The following DENND4C variants were observed in gnomAD, a reference collection of about 807,000 sequenced individuals.
DENND4C encodes DENN domain containing 4C.
A neutral mutation model predicts 203.0 loss-of-function variants in DENND4C; 108 were observed. The observed-to-expected ratio is 0.53, with a 90% confidence interval of 0.46 to 0.62. DENND4C has a LOEUF of 0.62. Ranked by LOEUF, DENND4C falls within the 20% of genes least tolerant of loss-of-function variation. The pLI is 0.00. For synonymous variants in DENND4C, 871 were observed against 792.4 expected (o/e 1.10, Z -1.67); for missense variants, 2,481 against 2,301.2 (o/e 1.08, Z -1.60).
In DENND4C at chr9:19,246,816, A is replaced by G. The variant is rs374615161; in HGVS notation, c.-18+15983A>G. 6.6e-5 allele frequency among the ~76,000 whole-genome samples: 10 copies of G among 152,296 alleles called. No individual in the cohort carries two copies. The East Asian group carries it at 1.3e-3, about 21-fold the overall frequency. On this transcript the variant is annotated intron_variant, in intron 1 of 32. Coordinates refer to ENST00000434457, the MANE Select transcript of DENND4C (RefSeq NM_001330640.2). ...GAATCATTTTTCTTAGCATATGAAC[A>G]TGCTATAACTCTTAATTCTCTAACT...
intron 1 of DENND4C, among the ~76,000 whole-genome samples, chr9:19,247,736 G>T (rs1825634222): frequency 6.6e-6 from 1 of 152,146 alleles, no homozygotes; most frequent in Admixed American, 6.6e-5. Context: ...TAGTAGGCAT[G>T]TCAATTTTAA....
At chr9:19,364,201 A>G (rs1399063999) in intron 30 of DENND4C, among the ~76,000 whole-genome samples, 1 of 152,118 alleles carries the variant, frequency 6.6e-6, no homozygotes, top group Non-Finnish European at 1.5e-5. Flanking sequence ...CTGTTAAGAA[A>G]AAAAAAAAGG....
intron 1 of DENND4C, among the ~76,000 whole-genome samples, chr9:19,238,269 A>G (rs1822541885): frequency 6.6e-6 from 1 of 151,124 alleles, no homozygotes; most frequent in Non-Finnish European, 1.5e-5. Flanking sequence ...TTTAGTAGAG[A>G]CAGTGTTTCT....
At chr9:19,305,246 C>G in intron 9 of DENND4C, 106 bp from the exon 10 acceptor site, 3 of 941,672 alleles carry the variant, frequency 3.2e-6, no homozygotes, top group South Asian at 1.9e-5. Context: ...GTAAACAAAA[C>G]AGACTTAACT....
chr9:19,300,505 G>A (rs997287120), intron 9 of DENND4C, among the ~76,000 whole-genome samples, 174 bp downstream of exon 9: 1 of 152,140 alleles, frequency 6.6e-6, no homozygotes, highest in Non-Finnish European at 1.5e-5. Flanking sequence ...AGAGAAGTAG[G>A]AAATATAAAG....
At chr9:19,340,843 T>C in intron 20 of DENND4C, 149 bp from the exon 21 acceptor site, 1 of 573,740 alleles carries the variant, frequency 1.7e-6, no homozygotes, top group Non-Finnish European at 2.7e-6. Context: ...ATCATTATTT[T>C]TAAAATGTTC....
chr9:19,281,074 C>G (rs569971083), intron 2 of DENND4C, among the ~76,000 whole-genome samples: 1 of 152,272 alleles, frequency 6.6e-6, no homozygotes, highest in Non-Finnish European at 1.5e-5. Flanking sequence ...TTGACAAGCC[C>G]ACCTGCCACC....
intron 15 of DENND4C, among the ~76,000 whole-genome samples, chr9:19,326,589 T>C (rs913291915): frequency 4.6e-5 from 7 of 152,140 alleles, no homozygotes; most frequent in Non-Finnish European, 1.0e-4. Context: ...AGATAAAGGA[T>C]AGGATTTGGA....
At chr9:19,248,539 G>A (rs1200053365) in intron 1 of DENND4C, among the ~76,000 whole-genome samples, 2 of 151,918 alleles carry the variant, frequency 1.3e-5, no homozygotes, top group African/African-American at 2.4e-5. Context: ...ACAGGCATGC[G>A]CCGCCTCGCC....
intron 1 of DENND4C, among the ~76,000 whole-genome samples, chr9:19,268,347 A>C (rs993569134): frequency 6.6e-6 from 1 of 151,976 alleles, no homozygotes; most frequent in East Asian, 1.9e-4. Context: ...CCATCTGCCT[A>C]CCCCCACCTC....
chr9:19,273,479 T>C (rs536040779), intron 1 of DENND4C, among the ~76,000 whole-genome samples: 50 of 152,086 alleles, frequency 3.3e-4, no homozygotes, highest in African/African-American at 1.1e-3. Flanking sequence ...CATAAGACCC[T>C]GTAAGAGAAT....
chr9:19,247,383 C>T (rs750468499), intron 1 of DENND4C, among the ~76,000 whole-genome samples: 3 of 152,138 alleles, frequency 2.0e-5, no homozygotes, highest in Non-Finnish European at 4.4e-5. Flanking sequence ...CATTGAACTC[C>T]ACACTATAAT....
At position 19,318,042 on chromosome 9, in the gene DENND4C, G is replaced by A. The variant is rs563064199; in HGVS notation, c.1807+1203G>A. On this transcript the variant is annotated intron_variant, in intron 12 of 32. Transcript: ENST00000434457. Reference sequence around the variant, plus strand: ...GAGCTTATTAAAGTTTTCTCTAATGGGCGCAGTGGCTCACGCCTGTAATCC... The same window carrying A: ...GAGCTTATTAAAGTTTTCTCTAATGAGCGCAGTGGCTCACGCCTGTAATCC... Among the ~76,000 whole-genome samples, 16 of 152,304 alleles carry A rather than the reference G, an allele frequency of 1.1e-4. No individual in the cohort carries two copies. The East Asian group carries it at 3.1e-3, about 29-fold the overall frequency.
intron 1 of DENND4C, among the ~76,000 whole-genome samples, chr9:19,263,865 G>C (rs1167682923): frequency 2.0e-5 from 3 of 151,936 alleles, no homozygotes; most frequent in Non-Finnish European, 4.4e-5. Flanking sequence ...TCACCATGTT[G>C]GCCAGGCTGG....
intron 20 of DENND4C, chr9:19,337,492 G>A (rs1820741207): frequency 2.2e-6 from 1 of 452,224 alleles, no homozygotes; most frequent in African/African-American, 2.1e-5. Context: ...TGATGAACTT[G>A]TCTCAATGAC....
intron 25 of DENND4C, 116 bp from the exon 26 acceptor site, chr9:19,352,374 A>G: frequency 8.7e-7 from 1 of 1,147,626 alleles, no homozygotes. Flanking sequence ...AAGAACTGTT[A>G]TTAATAATTC....
At chr9:19,328,685 ATCTATCTATCTG>A (rs1818412207) in intron 16 of DENND4C, among the ~76,000 whole-genome samples, 2 of 144,968 alleles carry the variant, frequency 1.4e-5, no homozygotes, top group Admixed American at 6.9e-5. Flanking sequence ...CTATCTATCT[ATCTATCTATCTG>A]TCTATCTATC....
chr9:19,348,545 A>G (rs1348977271), intron 23 of DENND4C, among the ~76,000 whole-genome samples: 4 of 152,224 alleles, frequency 2.6e-5, no homozygotes, highest in African/African-American at 9.6e-5. Flanking sequence ...TTTCAAGGTA[A>G]TATAATCAAT....
intron 1 of DENND4C, among the ~76,000 whole-genome samples, chr9:19,257,355 CAAAAAAA>C (rs71335406): frequency 6.4e-5 from 6 of 93,678 alleles, no homozygotes; most frequent in African/African-American, 1.9e-4. Context: ...CACTCTGTCT[CAAAAAAA>C]AAAAAAAAGA....
Sources: gnomAD v4.1 joint callset for allele counts (sites outside exome capture counted in the v4.1 genomes callset) on GRCh38, gnomAD v4.1.1 for gene constraint, MANE v1.5 for transcripts, NCBI Gene and HGNC (gene_info 2026-07-23, HGNC 2026-07-21) for gene names.